The following AP3B1 variants were observed in gnomAD, a reference collection of about 807,000 sequenced individuals.
AP3B1 encodes the protein adaptor related protein complex 3 subunit beta 1.
A neutral mutation model predicts 132.5 loss-of-function variants in AP3B1; 61 were observed. That is an observed-to-expected ratio of 0.46 (90% CI 0.37 to 0.57). The LOEUF (loss-of-function observed/expected upper bound fraction) is 0.57, where lower values mean the gene tolerates loss of function less well. Ranked by LOEUF, AP3B1 falls within the 20% of genes least tolerant of loss-of-function variation. AP3B1 has a pLI of 0.00. For synonymous variants in AP3B1, 388 were observed against 438.3 expected, an observed-to-expected ratio of 0.89 and a Z score of 1.43; for missense variants, 1,120 against 1,289.4, an observed-to-expected ratio of 0.87 and a Z score of 2.01.
chr5:78,274,642 G>A (rs1215183797), intron 1 of AP3B1, among the ~76,000 whole-genome samples: 1 of 152,174 alleles, frequency 6.6e-6, no homozygotes, highest in East Asian at 1.9e-4. Flanking sequence ...TCCAGAGGCT[G>A]AGCATGGTGA....
At chr5:78,236,367 T>C (rs1268425046) in intron 3 of AP3B1, among the ~76,000 whole-genome samples, 1 of 151,852 alleles carries the variant, frequency 6.6e-6, no homozygotes, top group Non-Finnish European at 1.5e-5. Context: ...AAAAAAAATA[T>C]GCCAATACTA....
At chr5:78,134,149 C>CAAAAAAAAAAAAAAAAAAAAA (rs397961933) in intron 15 of AP3B1, among the ~76,000 whole-genome samples, 33 of 74,184 alleles carry the variant, frequency 4.4e-4, no homozygotes, top group African/African-American at 1.6e-3. Context: ...AGACTCGCCT[C>CAAAAAAAAAAAAAAAAAAAAA]AAAAAAAAAA....
At chr5:78,212,966 C>T (rs535623128) in intron 7 of AP3B1, among the ~76,000 whole-genome samples, 12 of 152,222 alleles carry the variant, frequency 7.9e-5, no homozygotes, top group African/African-American at 2.9e-4. Context: ...CAAGCTCTGC[C>T]TCCTGGGTTC....
intron 6 of AP3B1, among the ~76,000 whole-genome samples, chr5:78,218,828 C>T (rs1431656626): frequency 4.6e-5 from 7 of 151,984 alleles, no homozygotes; most frequent in African/African-American, 1.4e-4. Context: ...GATTTTCTTC[C>T]CTTAAATTAA....
chr5:78,240,806 G>A (rs1169840835), intron 3 of AP3B1, 56 bp downstream of exon 3: 1 of 1,203,138 alleles, frequency 8.3e-7, no homozygotes, highest in Non-Finnish European at 1.2e-6. Flanking sequence ...TACATAAAAA[G>A]TGTACGGTCC....
At chr5:78,293,103 T>A (rs1179341856) in intron 1 of AP3B1, among the ~76,000 whole-genome samples, 1 of 152,160 alleles carries the variant, frequency 6.6e-6, no homozygotes, top group Non-Finnish European at 1.5e-5. Context: ...GGTCTCGAAC[T>A]CCTGGCCTCA....
intron 7 of AP3B1, among the ~76,000 whole-genome samples, chr5:78,207,346 G>C (rs901666052): frequency 1.3e-5 from 2 of 151,496 alleles, no homozygotes; most frequent in African/African-American, 4.9e-5. Context: ...AAAATCACTT[G>C]AGCCTGGAAG....
intron 6 of AP3B1, among the ~76,000 whole-genome samples, chr5:78,218,449 G>A (rs1228355994): frequency 6.6e-6 from 1 of 151,932 alleles, no homozygotes; most frequent in Non-Finnish European, 1.5e-5. Context: ...CAATAAACAT[G>A]GTTCATTTAT....
Position 78,110,317 on chromosome 5 carries a change from T to C in AP3B1, c.2287A>G (p.Lys763Glu), listed in dbSNP as rs151082743. Residue 763 changes from lysine (K) to glutamate (E), a missense_variant, in exon 20 of 27, where the codon AAA becomes GAA. By Grantham distance (56) the Lys-to-Glu change is moderately conservative. Around this residue, in one of 3 missense-constraint regions of AP3B1, gnomAD observed 906 missense variants for 997.1 expected, o/e 0.91. Transcript: ENST00000255194. The stretch of plus-strand genomic sequence containing the variant: ...TCGTCATTTGAAGAATCTGAAGTTT[T>C]AGATTTTTCATTTTCCTTCTCCCCA... The part of the protein sequence containing the change: ...EDGEKENEKS[K>E]TSDSSNDESS... 7 of 1,609,912 alleles carry C rather than the reference T, an allele frequency of 4.3e-6. No individual in the cohort carries two copies. The highest frequency in any genetic ancestry group is 1.3e-5 in the African/African-American group (1 of 74,844).
intron 24 of AP3B1, among the ~76,000 whole-genome samples, chr5:78,027,856 T>G (rs1365007694): frequency 6.6e-6 from 1 of 152,216 alleles, no homozygotes; most frequent in Non-Finnish European, 1.5e-5. Context: ...CCAGGAACAG[T>G]GGCTCAGGCC....
At chr5:78,291,151 GA>G (rs1386807660) in intron 1 of AP3B1, among the ~76,000 whole-genome samples, 6 of 151,952 alleles carry the variant, frequency 3.9e-5, no homozygotes, top group African/African-American at 1.5e-4. Flanking sequence ...ATTAAATTCA[GA>G]AAACAAAAAT....
intron 21 of AP3B1, among the ~76,000 whole-genome samples, chr5:78,092,418 T>G (rs1750561122): frequency 6.6e-6 from 1 of 152,202 alleles, no homozygotes; most frequent in Non-Finnish European, 1.5e-5. Context: ...AAGTGAATTC[T>G]GAGGCTAGGT....
chr5:78,204,394 T>C (rs1032174418), intron 7 of AP3B1, among the ~76,000 whole-genome samples: 2 of 152,364 alleles, frequency 1.3e-5, no homozygotes, highest in Non-Finnish European at 1.5e-5. Context: ...GCCTTAGCCA[T>C]CACTTCCTCT....
intron 3 of AP3B1, among the ~76,000 whole-genome samples, chr5:78,229,739 CAAAAATTTA>C (rs1055069219): frequency 2.7e-5 from 4 of 150,812 alleles, no homozygotes; most frequent in Non-Finnish European, 5.9e-5. Flanking sequence ...GACTCTGTCT[CAAAAATTTA>C]AAAAATTTAA....
At chr5:78,069,508 CAA>C (rs1292912641) in intron 22 of AP3B1, among the ~76,000 whole-genome samples, 1 of 152,086 alleles carries the variant, frequency 6.6e-6, no homozygotes, top group African/African-American at 2.4e-5. Flanking sequence ...ACAATTGCTA[CAA>C]AGAGAGTAAA....
At position 78,020,791 on chromosome 5, in the gene AP3B1, T is replaced by TG; in HGVS notation, c.2895-3dup. On this transcript the variant is annotated splice_polypyrimidine_tract_variant and splice_region_variant and intron_variant, in intron 24 of 26. Coordinates refer to ENST00000255194, the MANE Select transcript of AP3B1 (RefSeq NM_003664.5). ...ACATTGAAGCAATCATCCTTGGTAC[T>TG]GAAGAAAAACAATCAAAGCTGACTA... 6.2e-7 allele frequency: 1 copy of TG among 1,607,482 alleles called. No homozygotes were observed. Among genetic ancestry groups the TG allele is most frequent in the Non-Finnish European group, 8.5e-7 (1 of 1,175,418 alleles).
chr5:78,213,447 T>G (rs901179324), intron 7 of AP3B1, among the ~76,000 whole-genome samples: 1 of 152,188 alleles, frequency 6.6e-6, no homozygotes, highest in African/African-American at 2.4e-5. Context: ...TCTAACATAT[T>G]GTACAATCCT....
At chr5:78,042,209 G>C (rs1306216464) in intron 22 of AP3B1, 1 of 153,048 alleles carries the variant, frequency 6.5e-6, no homozygotes, top group African/African-American at 2.4e-5. Flanking sequence ...TGGATTCCAA[G>C]CTTTAGATTT....
intron 9 of AP3B1, among the ~76,000 whole-genome samples, chr5:78,176,250 C>A (rs1172179379): frequency 6.6e-6 from 1 of 151,786 alleles, no homozygotes; most frequent in Non-Finnish European, 1.5e-5. Flanking sequence ...TATTTTTAGA[C>A]CCAAATATCT....
Sources: gnomAD v4.1 joint callset for allele counts (sites outside exome capture counted in the v4.1 genomes callset) on GRCh38, gnomAD v4.1.1 for gene constraint, gnomAD v4.1.1 regional missense constraint, MANE v1.5 for transcripts, NCBI Gene and HGNC (gene_info 2026-07-23, HGNC 2026-07-21) for gene names.